The following CD1B variants were observed in gnomAD, a reference collection of about 807,000 sequenced individuals.
CD1B encodes CD1b molecule.
In CD1B, 43 loss-of-function variants were observed where a neutral mutation model predicts 39.8. That is an observed-to-expected ratio of 1.08 (90% confidence interval 0.85 to 1.39). The LOEUF is 1.39. Among genes scored for constraint, CD1B ranks in the 40% most tolerant of loss-of-function variants. CD1B has a pLI of 0.00. For missense variants in CD1B, 495 were observed against 403.8 expected, an observed-to-expected ratio of 1.23 and a Z score of -1.94; for synonymous variants, 192 against 152.5, an observed-to-expected ratio of 1.26 and a Z score of -1.91.
the CD1B span, chr1:158,292,875 G>T: frequency 3.1e-6 from 5 of 1,613,694 alleles, no homozygotes; most frequent in Non-Finnish European, 4.2e-6. Context: ...CTCTACTGGG[G>T]TAAGACTGGA....
chr1:158,292,366 G>T, the CD1B span: 3 of 1,611,020 alleles, frequency 1.9e-6, no homozygotes, highest in Admixed American at 1.7e-5. Flanking sequence ...CACAGGCAAG[G>T]TCAGTAGTTT....
chr1:158,307,796 A>C, the CD1B span, among the ~76,000 whole-genome samples: 78 of 152,274 alleles, frequency 5.1e-4, no homozygotes, highest in African/African-American at 1.3e-3. Context: ...CCTTCATGCT[A>C]AAAACTCTCA....
At chr1:158,299,587 T>C in the CD1B span, among the ~76,000 whole-genome samples, 1 of 152,224 alleles carries the variant, frequency 6.6e-6, no homozygotes, top group Admixed American at 6.5e-5. Flanking sequence ...GTACCTTTAG[T>C]AGAATTTGTC....
chr1:158,311,318 A>T, the CD1B span, among the ~76,000 whole-genome samples: 1 of 152,070 alleles, frequency 6.6e-6, no homozygotes, highest in Admixed American at 6.6e-5. Context: ...GGTCATTCGT[A>T]TGTCTTCTTT....
rs750262381 is a variant in CD1B at position 158,330,939 on chromosome 1, G to A, written c.185C>T (p.Ser62Leu). 4.3e-6 allele frequency: 7 copies of A among 1,614,156 alleles called. No individual in the cohort carries two copies. In the East Asian group the frequency reaches 6.7e-5, roughly 15 times the overall value. ...DLQIHGWDSD[S>L]GTAIFLKPWS... ...AGGCTTCAGGAATATGGCAGTGCCT[G>A]AGTCGCTATCCCAGCCATGAATCTG... Residue 62 changes from serine to leucine, a missense_variant, in exon 2 of 6, where the codon TCA (serine) becomes TTA (leucine). Coordinates refer to ENST00000368168, the MANE Select transcript of CD1B (RefSeq NM_001764.3).
chr1:158,330,993 G>C lies in CD1B; in HGVS notation c.131C>G (p.Thr44Ser). ...ATCATCCAACCAGCCTGAGCCTTGA[G>C]TTTGTGCCCAGGTACTATTGGTAAA... is the stretch of plus-strand genomic sequence containing the variant. The part of the protein sequence containing the change: ...SSFTNSTWAQ[T>S]QGSGWLDDLQ... The change falls in exon 2 of 6, where the codon ACT (threonine) becomes AGT (serine). Residue 44 changes from threonine (T) to serine (S), a missense_variant. Physicochemically the swap from Thr to Ser is moderately conservative, Grantham distance 58. Coordinates refer to ENST00000368168, the MANE Select transcript of CD1B (RefSeq NM_001764.3). 6.2e-7 allele frequency: 1 copy of C among 1,614,110 alleles called. No individual in the cohort carries two copies. Among genetic ancestry groups the C allele is most frequent in the Middle Eastern group, 1.7e-4 (1 of 6,060 alleles).
chr1:158,321,516 C>A, the CD1B span, among the ~76,000 whole-genome samples: 1,862 of 152,228 alleles, frequency 0.012, 38 homozygotes, highest in African/African-American at 0.04. Flanking sequence ...AAGGTAACTA[C>A]CAATAGGTAA....
chr1:158,292,948 T>C, the CD1B span: 6 of 1,435,636 alleles, frequency 4.2e-6, no homozygotes, highest in Admixed American at 5.7e-5. Flanking sequence ...ATTTTGAGGA[T>C]AGCAGACCTA....
chr1:158,317,989 A>G, the CD1B span, among the ~76,000 whole-genome samples: 2 of 152,164 alleles, frequency 1.3e-5, no homozygotes, highest in African/African-American at 4.8e-5. Context: ...GAGATTCTTA[A>G]TTCTGAGTTC....
rs750315641 is a variant in CD1B, at chr1:158,331,019, G to A, written c.105C>T (p.Ser35=). ...PTSFHVIQTS[S]FTNSTWAQTQ... is the part of the protein sequence containing the mutation. Reference sequence around the variant, plus strand: ...TTTGTGCCCAGGTACTATTGGTAAAGGACGAGGTCTGGATAACATGAAAGG... The same window carrying A: ...TTTGTGCCCAGGTACTATTGGTAAAAGACGAGGTCTGGATAACATGAAAGG... Residue 35 remains serine (S), a synonymous_variant, in exon 2 of 6, where the codon TCC becomes TCT. Coordinates refer to ENST00000368168, the MANE Select transcript of CD1B (RefSeq NM_001764.3). 71 of 1,614,110 alleles carry A rather than the reference G, an allele frequency of 4.4e-5. No individual in the cohort carries two copies. The South Asian group carries it at 7.8e-4, about 18-fold the overall frequency.
downstream of CD1B, among the ~76,000 whole-genome samples, chr1:158,324,077 T>A (rs73027852): frequency 9.7e-3 from 1,480 of 152,324 alleles, 15 homozygotes; most frequent in African/African-American, 0.034. Flanking sequence ...AAGTTTCAGA[T>A]TCACTGCCAA....
At chr1:158,312,169 C>T in the CD1B span, among the ~76,000 whole-genome samples, 1 of 152,270 alleles carries the variant, frequency 6.6e-6, no homozygotes, top group East Asian at 1.9e-4. Context: ...CCACCCAAAT[C>T]TCATCTTGTA....
At chr1:158,308,766 C>T in the CD1B span, among the ~76,000 whole-genome samples, 2 of 152,144 alleles carry the variant, frequency 1.3e-5, no homozygotes, top group African/African-American at 2.4e-5. Flanking sequence ...GCTGGGAAAA[C>T]TGGTTAGCCA....
In CD1B at chr1:158,328,964, A is replaced by C; in HGVS notation, c.937T>G (p.Leu313Val). The change falls in exon 5 of 6, where the codon TTG becomes GTG. Residue 313 changes from leucine (L) to valine (V), a missense_variant. Leu to Val is a conservative substitution (Grantham distance 32). Coordinates refer to ENST00000368168, the MANE Select transcript of CD1B (RefSeq NM_001764.3). ...AATGCAAGGCATAGCAAAAGGAGCAAGGAAGGCACTATTATTGCCAAAACA... is the reference window on the plus strand; with the variant it reads ...AATGCAAGGCATAGCAAAAGGAGCACGGAAGGCACTATTATTGCCAAAACA... ...SIVLAIIVPS[L>V]LLLLCLALWY... The C allele has an allele frequency of 6.2e-7, 1 of 1,614,048 alleles. No individual in the cohort carries two copies. Among genetic ancestry groups the C allele is most frequent in the Non-Finnish European group, 8.5e-7 (1 of 1,179,960 alleles).
chr1:158,317,758 A>G, the CD1B span, among the ~76,000 whole-genome samples: 1 of 152,002 alleles, frequency 6.6e-6, no homozygotes, highest in African/African-American at 2.4e-5. Flanking sequence ...TGATGTTAGG[A>G]TGTCAATTTT....
downstream of CD1B, among the ~76,000 whole-genome samples, chr1:158,323,252 C>G (rs1460906891): frequency 6.7e-6 from 1 of 149,736 alleles, no homozygotes; most frequent in Non-Finnish European, 1.5e-5. Flanking sequence ...ATTTTTTTTT[C>G]TTCTGCTTGA....
the CD1B span, among the ~76,000 whole-genome samples, chr1:158,319,368 T>C: frequency 2.6e-5 from 4 of 152,188 alleles, no homozygotes; most frequent in South Asian, 4.1e-4. Context: ...GATTTCTTTT[T>C]ATTCTTTTTT....
chr1:158,290,227 G>A, the CD1B span: 3 of 1,008,814 alleles, frequency 3.0e-6, no homozygotes, highest in Non-Finnish European at 3.1e-6. Context: ...CTTGCCATCT[G>A]AGCATACCTG....
intron 4 of CD1B, 130 bp downstream of exon 4, chr1:158,329,240 G>A: frequency 8.3e-7 from 1 of 1,210,490 alleles, no homozygotes; most frequent in South Asian, 1.5e-5. Context: ...TGTTGGGATT[G>A]GGGTCAGGGA....
Sources: gnomAD v4.1 joint callset for allele counts (sites outside exome capture counted in the v4.1 genomes callset) on GRCh38, gnomAD v4.1.1 for gene constraint, MANE v1.5 for transcripts, NCBI Gene and HGNC (gene_info 2026-07-23, HGNC 2026-07-21) for gene names.